Variants in CCSER1 observed in about 807,000 individuals in gnomAD.
CCSER1 encodes coiled-coil serine rich protein 1.
In CCSER1, 41 loss-of-function variants were observed where a neutral mutation model predicts 82.0. The ratio of observed to expected loss-of-function variants is 0.50; its 90% CI spans 0.39 to 0.65. CCSER1 has a LOEUF of 0.65. CCSER1 is among the 30% of genes least tolerant of loss of function. CCSER1 has a pLI of 0.00. For missense variants in CCSER1, 1,119 were observed against 1,064.2 expected (o/e 1.05, Z -0.72); for synonymous variants, 414 against 383.9 (o/e 1.08, Z -0.92).
intron 5 of CCSER1, among the ~76,000 whole-genome samples, chr4:90,533,187 G>T (rs1324697155): frequency 3.3e-5 from 5 of 149,992 alleles, no homozygotes; most frequent in African/African-American, 1.2e-4. Flanking sequence ...CGCCTCCCGG[G>T]TTCACGCCAT....
chr4:91,122,821 C>T (rs1727203743), intron 10 of CCSER1, among the ~76,000 whole-genome samples: 1 of 151,708 alleles, frequency 6.6e-6, no homozygotes, highest in African/African-American at 2.4e-5. Context: ...CTCCTGAAGG[C>T]ATACAACCAC....
chr4:90,449,588 C>G (rs2153577493), intron 4 of CCSER1, among the ~76,000 whole-genome samples: 2 of 152,344 alleles, frequency 1.3e-5, no homozygotes, highest in East Asian at 3.9e-4. Flanking sequence ...CTTGGCCTCC[C>G]TCCCATGCTC....
intron 1 of CCSER1, among the ~76,000 whole-genome samples, chr4:90,261,787 G>T (rs72877783): frequency 0.045 from 6,822 of 152,120 alleles, 397 homozygotes; most frequent in African/African-American, 0.13. Context: ...GAGACTTTGT[G>T]TATTTCTTTT....
intron 7 of CCSER1, among the ~76,000 whole-genome samples, chr4:90,796,433 A>AC (rs1186291496): frequency 6.7e-6 from 1 of 150,190 alleles, no homozygotes; most frequent in Admixed American, 6.6e-5. Flanking sequence ...AAAAAAAAAA[A>AC]AACAGCTCTT....
chr4:90,135,439 G>T (rs1723511707), intron 1 of CCSER1, among the ~76,000 whole-genome samples: 1 of 151,846 alleles, frequency 6.6e-6, no homozygotes, highest in South Asian at 2.1e-4. Flanking sequence ...CATTTCCTGA[G>T]CCATTTTATC....
At chr4:91,595,430 A>G (rs1034334745) in intron 10 of CCSER1, among the ~76,000 whole-genome samples, 3 of 152,168 alleles carry the variant, frequency 2.0e-5, no homozygotes, top group African/African-American at 7.2e-5. Flanking sequence ...AATAGAGATA[A>G]AAGTGTTCCA....
rs1423740309 is a variant in CCSER1 at position 91,473,191 on chromosome 4, G to A, written c.2218-125381G>A. On this transcript the variant is annotated intron_variant, in intron 10 of 10. Transcript: ENST00000509176. ...AACTTGGAATGTAAGGAAAGTTACT[G>A]TTCATCATAAACATTTTTAACTAGT... Among the ~76,000 whole-genome samples, 4 of 152,126 alleles carry A rather than the reference G, an allele frequency of 2.6e-5. No homozygotes were observed. The East Asian group carries it at 7.7e-4, about 29-fold the overall frequency.
At chr4:90,930,181 C>G (rs147765235) in intron 9 of CCSER1, among the ~76,000 whole-genome samples, 5 of 152,146 alleles carry the variant, frequency 3.3e-5, no homozygotes, top group African/African-American at 1.2e-4. Flanking sequence ...CTGTCCACTT[C>G]TACTTCCAAC....
chr4:91,277,264 C>T (rs910461795), intron 10 of CCSER1, among the ~76,000 whole-genome samples: 5 of 151,936 alleles, frequency 3.3e-5, no homozygotes, highest in Admixed American at 3.3e-4. Context: ...ACCAGTGAAG[C>T]TATTGGATCC....
rs201653431 is a variant in CCSER1 at position 90,845,810 on chromosome 4, A to AC, written c.2094+29965_2094+29966insC. On this transcript the variant is annotated intron_variant, in intron 8 of 10. Transcript: ENST00000509176. Reference sequence around the variant, plus strand: ...ATGTTTTTCTTATTTCAACTGTGAAAAAAAAAAAAACCAGATTTTCTTATT... The same window carrying AC: ...ATGTTTTTCTTATTTCAACTGTGAAACAAAAAAAAAACCAGATTTTCTTATT... Among the ~76,000 whole-genome samples the AC allele has an allele frequency of 6.4e-3, 973 of 152,024 alleles. 14 individuals are homozygous for AC. The highest frequency in any genetic ancestry group is 0.023 in the African/African-American group (936 of 41,460).
chr4:90,755,242 T>C (rs948450217), intron 7 of CCSER1, among the ~76,000 whole-genome samples: 1 of 152,188 alleles, frequency 6.6e-6, no homozygotes, highest in African/African-American at 2.4e-5. Context: ...AGGGGGTGCA[T>C]ATTGATAAAC....
At chr4:90,159,142 T>A (rs1728938790) in intron 1 of CCSER1, among the ~76,000 whole-genome samples, 1 of 152,124 alleles carries the variant, frequency 6.6e-6, no homozygotes, top group Non-Finnish European at 1.5e-5. Context: ...CAAGTGGTCC[T>A]CCTACCTCAG....
chr4:91,020,467 C>A (rs1270209945), intron 9 of CCSER1, among the ~76,000 whole-genome samples: 1 of 152,134 alleles, frequency 6.6e-6, no homozygotes, highest in Admixed American at 6.5e-5. Flanking sequence ...TTGAAACCAT[C>A]CTGGCTAACA....
At chr4:91,491,576 C>T (rs1336382903) in intron 10 of CCSER1, among the ~76,000 whole-genome samples, 1 of 152,108 alleles carries the variant, frequency 6.6e-6, no homozygotes, top group East Asian at 1.9e-4. Flanking sequence ...TAAAACTATA[C>T]CATATTATCA....
At chr4:90,289,785 C>A (rs1730580023) in intron 1 of CCSER1, among the ~76,000 whole-genome samples, 1 of 151,738 alleles carries the variant, frequency 6.6e-6, no homozygotes, top group South Asian at 2.1e-4. Flanking sequence ...TGACATTTAT[C>A]CTTTGCTTCC....
intron 5 of CCSER1, among the ~76,000 whole-genome samples, chr4:90,577,332 C>G (rs1396542315): frequency 6.6e-6 from 1 of 152,020 alleles, no homozygotes; most frequent in African/African-American, 2.4e-5. Context: ...ATGTGAAGAA[C>G]CTCTTATGAG....
chr4:91,131,665 T>G (rs1728011366), intron 10 of CCSER1, among the ~76,000 whole-genome samples: 1 of 152,104 alleles, frequency 6.6e-6, no homozygotes, highest in Admixed American at 6.6e-5. Context: ...GGTAGATAGA[T>G]AGATAGATAG....
At chr4:91,319,774 T>G (rs6532290) in intron 10 of CCSER1, 307,928 of 454,048 alleles carry the variant, frequency 0.68, 105,240 homozygotes, top group African/African-American at 0.76. Context: ...GCTGCTTCTC[T>G]TATGCTCTAA....
chr4:90,297,748 A>T lies in CCSER1; in HGVS notation c.-41-10496A>T, dbSNP rs1368730901. ...AAGGCCTTTTCTGCATCTATTGAGA[A>T]AATCATGTGGTTTTTGTCTTTGGTT... On this transcript the variant is annotated intron_variant, in intron 1 of 10. Transcript: ENST00000509176. Among the ~76,000 whole-genome samples, 399 of 151,748 alleles carry T rather than the reference A, an allele frequency of 2.6e-3. 3 individuals carry two copies. The highest frequency in any genetic ancestry group is 9.1e-3 in the African/African-American group (374 of 41,280).
Sources: allele counts gnomAD v4.1 joint callset (sites outside exome capture counted in the v4.1 genomes callset), GRCh38; gene constraint gnomAD v4.1.1; transcripts MANE v1.5; gene names NCBI Gene and HGNC (gene_info 2026-07-23, HGNC 2026-07-21).